Variants in VAV1 observed in about 807,000 individuals in gnomAD.
VAV1 encodes vav guanine nucleotide exchange factor 1.
Under a neutral mutation model 128.1 loss-of-function variants are expected in VAV1, and 33 were observed. The observed-to-expected ratio is 0.26, with a 90% CI of 0.20 to 0.34. The LOEUF (loss-of-function observed/expected upper bound fraction) is 0.34, where lower values mean the gene tolerates loss of function less well. VAV1 is among the 10% of genes least tolerant of loss of function. The pLI is 1.00. For missense variants in VAV1, 715 were observed against 1,093.7 expected, an observed-to-expected ratio of 0.65 and a Z score of 4.88; for synonymous variants, 394 against 409.8, an observed-to-expected ratio of 0.96 and a Z score of 0.47.
intron 15 of VAV1, among the ~76,000 whole-genome samples, chr19:6,832,736 CCTT>C (rs137939834): frequency 0.1 from 15,542 of 151,060 alleles, 974 homozygotes; most frequent in East Asian, 0.24. Context: ...TCCTCCTCCT[CCTT>C]CTTCTTCCCC....
intron 19 of VAV1, among the ~76,000 whole-genome samples, chr19:6,835,189 A>G (rs1369799392): frequency 1.4e-5 from 2 of 141,856 alleles, no homozygotes; most frequent in Admixed American, 1.5e-4. Context: ...ACAATAGAAT[A>G]TATATATGTG....
At chr19:6,790,293 G>A (rs1970989713) in intron 1 of VAV1, among the ~76,000 whole-genome samples, 1 of 152,232 alleles carries the variant, frequency 6.6e-6, no homozygotes, top group South Asian at 2.1e-4. Context: ...TTACAGCACA[G>A]GACATAATGG....
intron 1 of VAV1, among the ~76,000 whole-genome samples, chr19:6,779,801 C>T (rs1441882903): frequency 3.4e-5 from 5 of 147,776 alleles, no homozygotes; most frequent in African/African-American, 1.2e-4. Context: ...CGTGCCTGGC[C>T]CAATTATAGC....
At chr19:6,800,525 G>A (rs377554226) in intron 1 of VAV1, among the ~76,000 whole-genome samples, 5 of 151,926 alleles carry the variant, frequency 3.3e-5, no homozygotes, top group Admixed American at 6.6e-5. Context: ...GGCCAGGCGC[G>A]TCTCAAACTC....
intron 1 of VAV1, among the ~76,000 whole-genome samples, chr19:6,806,439 C>T (rs1172407112): frequency 6.6e-6 from 1 of 152,162 alleles, no homozygotes; most frequent in East Asian, 1.9e-4. Flanking sequence ...GGAAGAGAAG[C>T]AAACTCGTAT....
intron 23 of VAV1, among the ~76,000 whole-genome samples, 156 bp downstream of exon 23, chr19:6,848,270 A>C (rs763420126): frequency 3.3e-5 from 5 of 152,140 alleles, no homozygotes; most frequent in Admixed American, 1.3e-4. Context: ...CACCTTCTTT[A>C]TTTCTTTTAA....
chr19:6,849,924 A>G (rs1362349809), intron 23 of VAV1, among the ~76,000 whole-genome samples: 1 of 152,096 alleles, frequency 6.6e-6, no homozygotes, highest in Non-Finnish European at 1.5e-5. Context: ...CTGGTAGCAC[A>G]ATTACTTTTT....
intron 26 of VAV1, among the ~76,000 whole-genome samples, chr19:6,855,197 G>C (rs1040991399): frequency 1.3e-5 from 2 of 152,198 alleles, no homozygotes; most frequent in African/African-American, 4.8e-5. Context: ...ATGAAGACAA[G>C]GACAGTGGTT....
At chr19:6,837,447 C>T (rs1972250406) in intron 21 of VAV1, among the ~76,000 whole-genome samples, 1 of 152,046 alleles carries the variant, frequency 6.6e-6, no homozygotes, top group East Asian at 1.9e-4. Flanking sequence ...ACTCCAGCCT[C>T]TGCTGTTCTT....
At chr19:6,776,334 A>G (rs1970631974) in intron 1 of VAV1, among the ~76,000 whole-genome samples, 1 of 145,938 alleles carries the variant, frequency 6.9e-6, no homozygotes, top group Admixed American at 6.9e-5. Flanking sequence ...CTGCTCATCC[A>G]TTCATCCATC....
rs191720299 is a variant in VAV1, at chr19:6,833,073, T to A, written c.1509-111T>A. ...AACGACCCAAAAGCCAATCAATGAA[T>A]GAGTGGACACGCAAAACGTGGTCTG... On this transcript the variant is annotated intron_variant, in intron 15 of 26. Transcript: ENST00000602142. The A allele has an allele frequency of 6.5e-3, 5,806 of 889,478 alleles. 25 individuals are homozygous for A. Among genetic ancestry groups the A allele is most frequent in the Non-Finnish European group, 7.9e-3 (4,719 of 595,488 alleles). 55.1% of individuals were successfully genotyped at this position (889,478 alleles called of 1,614,324 possible).
intron 1 of VAV1, among the ~76,000 whole-genome samples, chr19:6,797,665 T>C (rs1971168150): frequency 6.6e-6 from 1 of 150,388 alleles, no homozygotes; most frequent in Non-Finnish European, 1.5e-5. Context: ...ATCGTGCCAT[T>C]GCACTCCAGC....
At position 6,822,138 on chromosome 19, in the gene VAV1, G is replaced by T; in HGVS notation, c.450-83G>T. ...GGTCCCACCCTTGGAGTCTTGGGGG[G>T]ACAAAGCCCTGCGCTGGGGTCTGCG... On this transcript the variant is annotated intron_variant, in intron 4 of 26. Transcript: ENST00000602142. This position sits in a 1 kb window ranked among gnomAD's most constrained non-coding sequence, Gnocchi z 5.9. The T allele has an allele frequency of 1.4e-6, 2 of 1,385,452 alleles. No individual in the cohort carries two copies. Among genetic ancestry groups the T allele is most frequent in the South Asian group, 1.3e-5 (1 of 78,848 alleles). 85.8% of individuals were successfully genotyped at this position (1,385,452 alleles called of 1,614,324 possible). A position where few individuals can be genotyped will look rare whatever the true frequency, so the allele number is the denominator to read the frequency against.
chr19:6,839,803 A>G (rs1439409167), intron 21 of VAV1, among the ~76,000 whole-genome samples: 2 of 151,812 alleles, frequency 1.3e-5, no homozygotes, highest in African/African-American at 2.4e-5. Flanking sequence ...TGGTCCTCAC[A>G]CTTCCGCCTC....
intron 6 of VAV1, among the ~76,000 whole-genome samples, 163 bp from the exon 7 acceptor site, chr19:6,824,890 G>C (rs1243643617): frequency 1.3e-5 from 2 of 152,054 alleles, no homozygotes; most frequent in Non-Finnish European, 1.5e-5. Flanking sequence ...TCCGCTTTTG[G>C]GTTATTATGA....
intron 14 of VAV1, among the ~76,000 whole-genome samples, chr19:6,830,336 C>T (rs563855212): frequency 5.9e-5 from 9 of 152,162 alleles, no homozygotes; most frequent in Admixed American, 2.6e-4. Context: ...GGATTATAAG[C>T]GTGAGCCCAC....
chr19:6,790,277 C>T (rs1303414683), intron 1 of VAV1, among the ~76,000 whole-genome samples: 1 of 152,190 alleles, frequency 6.6e-6, no homozygotes, highest in Non-Finnish European at 1.5e-5. Flanking sequence ...ACACTGATTG[C>T]TGGGGTTACA....
chr19:6,785,737 G>C (rs1384528439), intron 1 of VAV1, among the ~76,000 whole-genome samples: 1 of 148,126 alleles, frequency 6.8e-6, no homozygotes, highest in East Asian at 2.0e-4. Flanking sequence ...TCAGCTCACC[G>C]CAACCTCTGC....
At chr19:6,830,902 A>C (rs1023549739) in intron 14 of VAV1, among the ~76,000 whole-genome samples, 1 of 152,188 alleles carries the variant, frequency 6.6e-6, no homozygotes, top group Non-Finnish European at 1.5e-5. Flanking sequence ...AGCCTGGGCA[A>C]CATAGGGAGA....
Sources: gnomAD v4.1 joint callset for allele counts (sites outside exome capture counted in the v4.1 genomes callset) on GRCh38, gnomAD v4.1.1 for gene constraint, Gnocchi (gnomAD v3.1) non-coding constraint, MANE v1.5 for transcripts, NCBI Gene and HGNC (gene_info 2026-07-23, HGNC 2026-07-21) for gene names.